IGF1R: variants seen among roughly 807,000 people sequenced by gnomAD.
IGF1R encodes the protein insulin like growth factor 1 receptor.
In IGF1R, 44 loss-of-function variants were observed where a neutral mutation model predicts 144.6. The ratio of observed to expected loss-of-function variants is 0.30; its 90% CI spans 0.24 to 0.39. IGF1R has a LOEUF of 0.39. IGF1R is among the 10% of genes least tolerant of loss of function. The probability of loss-of-function intolerance (pLI) is 1.00; values close to 1 mark genes in which losing one functional copy is unlikely to be tolerated. For missense variants in IGF1R, 1,355 were observed against 1,833.7 expected (o/e 0.74, Z 4.77); for synonymous variants, 795 against 722.8 (o/e 1.10, Z -1.60).
At chr15:98,758,513 G>T (rs574481649) in intron 2 of IGF1R, among the ~76,000 whole-genome samples, 1 of 152,198 alleles carries the variant, frequency 6.6e-6, no homozygotes, top group Admixed American at 6.5e-5. Flanking sequence ...ATACTGTGCC[G>T]CTGAGTTGCT....
intron 2 of IGF1R, among the ~76,000 whole-genome samples, chr15:98,846,777 C>G (rs893164051): frequency 1.3e-5 from 2 of 152,138 alleles, no homozygotes; most frequent in Non-Finnish European, 2.9e-5. Flanking sequence ...CTGCATCCAC[C>G]CAAGATTAAT....
At chr15:98,770,779 A>G (rs1275803757) in intron 2 of IGF1R, among the ~76,000 whole-genome samples, 1 of 152,050 alleles carries the variant, frequency 6.6e-6, no homozygotes, top group African/African-American at 2.4e-5. Flanking sequence ...TCCTGGTTCT[A>G]CTTGCCGGCA....
chr15:98,656,727 T>C (rs1369609044), intron 1 of IGF1R, among the ~76,000 whole-genome samples: 2 of 151,990 alleles, frequency 1.3e-5, no homozygotes, highest in African/African-American at 4.8e-5. Context: ...TTAGCCCCCT[T>C]AATACCATAG....
At chr15:98,727,608 A>G (rs1395384046) in intron 2 of IGF1R, among the ~76,000 whole-genome samples, 3 of 152,164 alleles carry the variant, frequency 2.0e-5, no homozygotes, top group Non-Finnish European at 4.4e-5. Flanking sequence ...ACCTGAGCTC[A>G]GGTGGGGCTG....
chr15:98,926,277 T>C (rs539027573), intron 13 of IGF1R, among the ~76,000 whole-genome samples: 2 of 152,256 alleles, frequency 1.3e-5, no homozygotes, highest in Middle Eastern at 3.4e-3. Flanking sequence ...GTTAAGCTCA[T>C]GGAGAGTAGA....
intron 7 of IGF1R, among the ~76,000 whole-genome samples, chr15:98,912,792 G>T (rs1296063873): frequency 2.6e-5 from 4 of 152,192 alleles, no homozygotes; most frequent in Non-Finnish European, 5.9e-5. Flanking sequence ...TGTTCTTAAG[G>T]AATAGTAACT....
At chr15:98,710,284 G>A (rs2053962347) in intron 2 of IGF1R, among the ~76,000 whole-genome samples, 1 of 152,098 alleles carries the variant, frequency 6.6e-6, no homozygotes, top group Non-Finnish European at 1.5e-5. Context: ...ATATAAAATT[G>A]GTAACTGCTT....
At chr15:98,923,764 A>T in intron 11 of IGF1R, 112 bp from the exon 12 acceptor site, 2 of 866,260 alleles carry the variant, frequency 2.3e-6, no homozygotes, top group South Asian at 1.3e-5. Context: ...TACGTGGCTG[A>T]TCTCCACTGT....
chr15:98,888,045 A>T (rs1409812253), intron 2 of IGF1R, among the ~76,000 whole-genome samples: 1 of 152,218 alleles, frequency 6.6e-6, no homozygotes, highest in Non-Finnish European at 1.5e-5. Context: ...TTGCTTTTAC[A>T]AGCATTTACA....
At chr15:98,709,478 TG>T (rs1275487666) in intron 2 of IGF1R, among the ~76,000 whole-genome samples, 1 of 152,238 alleles carries the variant, frequency 6.6e-6, no homozygotes, top group Non-Finnish European at 1.5e-5. Context: ...TGGCTGGAGT[TG>T]GAGGGAGATC....
intron 2 of IGF1R, among the ~76,000 whole-genome samples, chr15:98,841,149 A>G (rs2011167466): frequency 6.6e-6 from 1 of 152,220 alleles, no homozygotes; most frequent in Admixed American, 6.5e-5. Context: ...TTTCTTCTTC[A>G]GGGTACGAAG....
chr15:98,887,975 G>T (rs914991163), intron 2 of IGF1R, among the ~76,000 whole-genome samples: 1 of 152,216 alleles, frequency 6.6e-6, no homozygotes, highest in African/African-American at 2.4e-5. Flanking sequence ...GTGCCTCCCC[G>T]GGCAGTGGTC....
chr15:98,686,695 G>A lies in IGF1R; in HGVS notation c.95-20867G>A, dbSNP rs188112046. Among the ~76,000 whole-genome samples the A allele has an allele frequency of 3.6e-3, 541 of 149,384 alleles. 3 individuals are homozygous for A. Among genetic ancestry groups the A allele is most frequent in the Admixed American group, 9.8e-3 (146 of 14,930 alleles). On this transcript the variant is annotated intron_variant, in intron 1 of 20. Coordinates refer to ENST00000650285, the MANE Select transcript of IGF1R (RefSeq NM_000875.5). ...ATTTTTTTTTTTTTTCTTAGAGACAGGATCTCACATTGTTGTCCAGGCTAG... is the reference window on the plus strand; with the variant it reads ...ATTTTTTTTTTTTTTCTTAGAGACAAGATCTCACATTGTTGTCCAGGCTAG...
At position 98,960,591 on chromosome 15, in the gene IGF1R, G is replaced by A. The variant is rs1267668549; in HGVS notation, c.*3149G>A. ...GTGGGGCATTGGGTTTGCTCCCCTTGCTGCTGCTCCATCCCTGCAGGAGGC... is the reference window on the plus strand; with the variant it reads ...GTGGGGCATTGGGTTTGCTCCCCTTACTGCTGCTCCATCCCTGCAGGAGGC... On this transcript the variant is annotated 3_prime_UTR_variant, in exon 21 of 21. Transcript: ENST00000650285. 4.3e-6 allele frequency: 1 copy of A among 233,432 alleles called. No homozygotes were observed. Among genetic ancestry groups the A allele is most frequent in the East Asian group, 6.0e-5 (1 of 16,610 alleles). 14.5% of individuals were successfully genotyped at this position (233,432 alleles called of 1,614,324 possible). A position where few individuals can be genotyped will look rare whatever the true frequency, so the allele number is the denominator to read the frequency against.
intron 2 of IGF1R, among the ~76,000 whole-genome samples, chr15:98,726,824 A>G (rs1173122166): frequency 2.0e-5 from 3 of 150,538 alleles, no homozygotes; most frequent in African/African-American, 7.4e-5. Flanking sequence ...GGTTCAGGCA[A>G]TTCTCCTGCC....
At position 98,923,957 on chromosome 15, in the gene IGF1R, A is replaced by T; in HGVS notation, c.2567A>T (p.Glu856Val). The T allele has an allele frequency of 1.2e-6, 2 of 1,613,976 alleles. No homozygotes were observed. The highest frequency in any genetic ancestry group is 1.7e-6 in the Non-Finnish European group (2 of 1,179,792). Residue 856 changes from glutamate to valine, a missense_variant, in exon 12 of 21, where the codon GAG becomes GTG. Physicochemically the swap from Glu to Val is moderately radical, Grantham distance 121 (BLOSUM62 -2). Around this residue, in one of 7 missense-constraint regions of IGF1R, gnomAD observed 880 missense variants for 1,202.7 expected, o/e 0.73. Transcript: ENST00000650285. ...ATCTTTTTAAAGTGGCCGGAACCTG[A>T]GAATCCCAATGGATTGATTCTAATG... is the stretch of plus-strand genomic sequence containing the variant. ...NSIFLKWPEP[E>V]NPNGLILMYE...
At chr15:98,720,078 G>A (rs907010537) in intron 2 of IGF1R, among the ~76,000 whole-genome samples, 5 of 152,188 alleles carry the variant, frequency 3.3e-5, no homozygotes, top group African/African-American at 1.2e-4. Flanking sequence ...TTTGAAAAGC[G>A]TGAAGCATGG....
intron 2 of IGF1R, among the ~76,000 whole-genome samples, chr15:98,885,676 T>C (rs2013605378): frequency 6.6e-6 from 1 of 152,232 alleles, no homozygotes; most frequent in East Asian, 1.9e-4. Flanking sequence ...ATTCAGAAGC[T>C]TTACCTTATT....
chr15:98,681,923 G>A (rs1267939099), intron 1 of IGF1R, among the ~76,000 whole-genome samples: 9 of 152,090 alleles, frequency 5.9e-5, no homozygotes, highest in African/African-American at 2.2e-4. Flanking sequence ...ATTTCTGTTG[G>A]GTCATGTGAA....
Sources: allele counts gnomAD v4.1 joint callset (sites outside exome capture counted in the v4.1 genomes callset), GRCh38; gene constraint gnomAD v4.1.1; regional missense constraint gnomAD v4.1.1; transcripts MANE v1.5; gene names NCBI Gene and HGNC (gene_info 2026-07-23, HGNC 2026-07-21).